PKNOX2: variants seen among roughly 807,000 people sequenced by gnomAD.
PKNOX2 encodes PBX/knotted 1 homeobox 2.
In PKNOX2, 14 loss-of-function variants were observed where a neutral mutation model predicts 53.1. That is an observed-to-expected ratio of 0.26 (90% CI 0.17 to 0.41). The LOEUF (loss-of-function observed/expected upper bound fraction) is 0.41, where lower values mean the gene tolerates loss of function less well. Among genes scored for constraint, PKNOX2 ranks in the 10% least tolerant of loss-of-function variants. PKNOX2 has a pLI of 1.00. For missense variants in PKNOX2, 496 were observed against 602.8 expected, an observed-to-expected ratio of 0.82 and a Z score of 1.85; for synonymous variants, 257 against 242.8, an observed-to-expected ratio of 1.06 and a Z score of -0.54.
At chr11:125,187,074 T>G (rs1360880674) in intron 1 of PKNOX2, among the ~76,000 whole-genome samples, 1 of 152,234 alleles carries the variant, frequency 6.6e-6, no homozygotes, top group Non-Finnish European at 1.5e-5. Context: ...AGTCTAAATG[T>G]CCATCCCCAT....
At chr11:125,197,898 C>T (rs1937928681) in intron 1 of PKNOX2, among the ~76,000 whole-genome samples, 1 of 152,208 alleles carries the variant, frequency 6.6e-6, no homozygotes, top group African/African-American at 2.4e-5. Context: ...GCCACAACTG[C>T]AGCCAGGGGT....
intron 1 of PKNOX2, among the ~76,000 whole-genome samples, chr11:125,188,836 A>G (rs1454735819): frequency 6.6e-6 from 1 of 151,758 alleles, no homozygotes; most frequent in African/African-American, 2.4e-5. Flanking sequence ...AGTGGCCTGT[A>G]CATTCCTCCT....
At chr11:125,421,955 AG>A (rs763183223) in intron 10 of PKNOX2, among the ~76,000 whole-genome samples, 1 of 152,156 alleles carries the variant, frequency 6.6e-6, no homozygotes, top group East Asian at 1.9e-4. Context: ...AGACCCTGAG[AG>A]CTCTGTGTAA....
chr11:125,392,273 A>G lies in PKNOX2; in HGVS notation c.400-5601A>G, dbSNP rs114773428. Among the ~76,000 whole-genome samples the G allele has an allele frequency of 3.2e-3, 492 of 152,362 alleles. 2 individuals are homozygous for G. The highest frequency in any genetic ancestry group is 0.011 in the African/African-American group (468 of 41,588). On this transcript the variant is annotated intron_variant, in intron 6 of 12. Coordinates refer to ENST00000298282, the MANE Select transcript of PKNOX2 (RefSeq NM_001382323.2). ...TTTACACGTAAAGAGACTGAGGCTC[A>G]GAGAAATCATGGAATTTGCCCAACG... is the stretch of plus-strand genomic sequence containing the variant.
intron 2 of PKNOX2, chr11:125,258,650 G>A (rs1041484082): frequency 5.9e-6 from 1 of 169,320 alleles, no homozygotes; most frequent in African/African-American, 2.4e-5. Flanking sequence ...CATTTTATTG[G>A]CTTGTTTTTA....
At position 125,278,036 on chromosome 11, in the gene PKNOX2, G is replaced by A. The variant is rs535373775; in HGVS notation, c.-130+42921G>A. On this transcript the variant is annotated intron_variant, in intron 2 of 12. Coordinates refer to ENST00000298282, the MANE Select transcript of PKNOX2 (RefSeq NM_001382323.2). ...ATTTGAGACCAGCCTGGGCAACATG[G>A]CAAAACCCCATTTCTACAAAAATAC... is the stretch of plus-strand genomic sequence containing the variant. 3.3e-5 allele frequency among the ~76,000 whole-genome samples: 5 copies of A among 152,038 alleles called. No individual in the cohort carries two copies. The East Asian group carries it at 5.8e-4, about 18-fold the overall frequency.
chr11:125,249,526 C>A (rs1943839482), intron 2 of PKNOX2, among the ~76,000 whole-genome samples: 1 of 152,126 alleles, frequency 6.6e-6, no homozygotes, highest in Admixed American at 6.5e-5. Context: ...TATAGTATTA[C>A]AACTATTTAC....
At chr11:125,203,559 G>A (rs1366305301) in intron 1 of PKNOX2, among the ~76,000 whole-genome samples, 1 of 152,224 alleles carries the variant, frequency 6.6e-6, no homozygotes, top group Admixed American at 6.5e-5. Context: ...GGACAGGACT[G>A]CAAGGCCTCA....
intron 2 of PKNOX2, chr11:125,330,331 TGGA>T (rs1359057591): frequency 6.6e-6 from 1 of 152,184 alleles, no homozygotes; most frequent in African/African-American, 2.4e-5. Context: ...CGAGGTCACA[TGGA>T]GGAGAAGCCT....
intron 1 of PKNOX2, among the ~76,000 whole-genome samples, chr11:125,217,476 C>T (rs1940659146): frequency 6.6e-6 from 1 of 152,212 alleles, no homozygotes; most frequent in African/African-American, 2.4e-5. Context: ...CTCCTCTAAG[C>T]CTCACTGCAA....
At chr11:125,179,022 T>TCC (rs1320344935) in intron 1 of PKNOX2, among the ~76,000 whole-genome samples, 1 of 152,102 alleles carries the variant, frequency 6.6e-6, no homozygotes, top group African/African-American at 2.4e-5. Context: ...CCTTGCCCTC[T>TCC]CCCGTGTGTT....
In PKNOX2 at chr11:125,354,057, G is replaced by T. The variant is rs369743070; in HGVS notation, c.87+2665G>T. ...CCCACTCTTTCGGGCTTCTAGGAGGGGCTCCCTTGTAGGAACAGCTCTTCC... is the reference window on the plus strand; with the variant it reads ...CCCACTCTTTCGGGCTTCTAGGAGGTGCTCCCTTGTAGGAACAGCTCTTCC... On this transcript the variant is annotated intron_variant, in intron 4 of 12. Transcript: ENST00000298282. 2.5e-4 allele frequency among the ~76,000 whole-genome samples: 38 copies of T among 152,284 alleles called. No individual in the cohort carries two copies. In the East Asian group the frequency reaches 6.2e-3, roughly 25 times the overall value.
intron 5 of PKNOX2, among the ~76,000 whole-genome samples, chr11:125,381,279 C>T (rs779245073): frequency 1.3e-5 from 2 of 151,994 alleles, no homozygotes; most frequent in South Asian, 2.1e-4. Flanking sequence ...AGGAGCCAGA[C>T]GCTGGAGCAT....
intron 4 of PKNOX2, among the ~76,000 whole-genome samples, chr11:125,361,611 T>G (rs902410621): frequency 5.9e-5 from 9 of 152,240 alleles, no homozygotes; most frequent in Admixed American, 5.9e-4. Flanking sequence ...GTGCACAATG[T>G]GCAGGTTTGT....
intron 5 of PKNOX2, among the ~76,000 whole-genome samples, chr11:125,373,534 G>C (rs1443672600): frequency 6.6e-6 from 1 of 152,256 alleles, no homozygotes; most frequent in Non-Finnish European, 1.5e-5. Flanking sequence ...CAGGTAATGT[G>C]CTTGGTAAAG....
At chr11:125,303,554 T>G (rs1381866297) in intron 2 of PKNOX2, among the ~76,000 whole-genome samples, 1 of 152,178 alleles carries the variant, frequency 6.6e-6, no homozygotes, top group African/African-American at 2.4e-5. Context: ...GAGTTCAGAC[T>G]CATGGCCTTG....
intron 7 of PKNOX2, among the ~76,000 whole-genome samples, chr11:125,404,609 A>G (rs1954959219): frequency 6.6e-6 from 1 of 150,728 alleles, no homozygotes; most frequent in Non-Finnish European, 1.5e-5. Context: ...GGGCACACAC[A>G]CAAACACACA....
chr11:125,292,057 C>T (rs1046535529), intron 2 of PKNOX2, among the ~76,000 whole-genome samples: 7 of 152,126 alleles, frequency 4.6e-5, no homozygotes, highest in Admixed American at 2.6e-4. Context: ...GTTAAAATGG[C>T]ATATTTTACG....
rs2135150274 is a variant in PKNOX2 at position 125,165,699 on chromosome 11, A to T, written c.-201+923A>T. Among the ~76,000 whole-genome samples the T allele has an allele frequency of 6.6e-6, 1 of 152,144 alleles. No individual in the cohort carries two copies. The highest frequency in any genetic ancestry group is 1.5e-5 in the Non-Finnish European group (1 of 67,984). On this transcript the variant is annotated intron_variant, in intron 1 of 12. Transcript: ENST00000298282. The surrounding 1 kb of genome is among the most constrained non-coding windows in gnomAD (Gnocchi z 4.5). ...TGTGTAGGGTCACCGGCTTTCCATGATTGCTGGGGATCTTTGGTGAGGCGG... is the reference window on the plus strand; with the variant it reads ...TGTGTAGGGTCACCGGCTTTCCATGTTTGCTGGGGATCTTTGGTGAGGCGG...
Sources: allele counts gnomAD v4.1 joint callset (sites outside exome capture counted in the v4.1 genomes callset), GRCh38; gene constraint gnomAD v4.1.1; non-coding constraint Gnocchi (gnomAD v3.1); transcripts MANE v1.5; gene names NCBI Gene and HGNC (gene_info 2026-07-23, HGNC 2026-07-21).